The following TUT1 variants were observed in gnomAD, a reference collection of about 807,000 sequenced individuals.
TUT1 encodes speckle targeted PIP5K1A-regulated poly(A) polymerase.
TUT1 carries 26 observed loss-of-function variants against 48.8 expected under a neutral mutation model. The observed-to-expected ratio is 0.53, with a 90% CI of 0.39 to 0.74. The LOEUF (loss-of-function observed/expected upper bound fraction) is 0.74, where lower values mean the gene tolerates loss of function less well. Among genes scored for constraint, TUT1 ranks in the 30% least tolerant of loss-of-function variants. TUT1 has a pLI of 0.00. For missense variants in TUT1, 1,065 were observed against 1,114.8 expected, an observed-to-expected ratio of 0.96 and a Z score of 0.64; for synonymous variants, 470 against 460.8, an observed-to-expected ratio of 1.02 and a Z score of -0.26.
intron 2 of TUT1, 42 bp from the exon 3 acceptor site, chr11:62,581,743 GAAT>G: frequency 7.5e-7 from 1 of 1,333,912 alleles, no homozygotes; most frequent in South Asian, 2.0e-5. Flanking sequence ...TTGGAACCAA[GAAT>G]CTAAGCACGA....
intron 7 of TUT1, 52 bp from the exon 8 acceptor site, chr11:62,576,801 T>C: frequency 6.2e-7 from 1 of 1,603,110 alleles, no homozygotes; most frequent in Non-Finnish European, 8.5e-7. Context: ...AGATTGAGGG[T>C]GGGGGTAGAG....
chr11:62,575,514 C>T lies in TUT1; in HGVS notation c.2205G>A (p.Leu735=). 6.2e-7 allele frequency: 1 copy of T among 1,613,350 alleles called. No individual in the cohort carries two copies. The highest frequency in any genetic ancestry group is 8.5e-7 in the Non-Finnish European group (1 of 1,180,022). The change falls in exon 9 of 9, where the codon CTG becomes CTA. Residue 735 remains leucine, a synonymous_variant. Transcript: ENST00000476907. ...CATGTCCCTTGGGCCCCCGCTCTGCCAGGGCTGCGTGGCTGGGCTGCCCCT... is the reference window on the plus strand; with the variant it reads ...CATGTCCCTTGGGCCCCCGCTCTGCTAGGGCTGCGTGGCTGGGCTGCCCCT... The part of the protein sequence containing the change: ...GEEGQPSHAA[L]AERGPKGHEA...
chr11:62,576,328 G>A (rs1433352750), intron 8 of TUT1, 84 bp from the exon 9 acceptor site: 8 of 1,428,836 alleles, frequency 5.6e-6, no homozygotes, highest in African/African-American at 1.4e-5. Flanking sequence ...CATTTCCTTA[G>A]CAGGACTTTT....
At chr11:62,583,266 G>A (rs1210714436) in intron 2 of TUT1, among the ~76,000 whole-genome samples, 1 of 151,966 alleles carries the variant, frequency 6.6e-6, no homozygotes, top group Non-Finnish European at 1.5e-5. Flanking sequence ...GTAAGTTGGT[G>A]AGTTCAATGA....
At chr11:62,585,848 C>A (rs1222614036) in intron 2 of TUT1, among the ~76,000 whole-genome samples, 1 of 152,162 alleles carries the variant, frequency 6.6e-6, no homozygotes, top group African/African-American at 2.4e-5. Flanking sequence ...GTAATCCCAG[C>A]CTGTAATCCC....
In TUT1 at chr11:62,578,618, A is replaced by G. The variant is rs747060009; in HGVS notation, c.1103T>C (p.Val368Ala). Residue 368 changes from valine to alanine, a missense_variant, in exon 5 of 9, where the codon GTG becomes GCG. Transcript: ENST00000476907. ...TGAAGGCCGATGACAGAACTTGACCACAGGGCGCCGGGCAGAGGGCACAGT... is the reference window on the plus strand; with the variant it reads ...TGAAGGCCGATGACAGAACTTGACCGCAGGGCGCCGGGCAGAGGGCACAGT... ...VQTVPSARRP[V>A]VKFCHRPSGL... The G allele has an allele frequency of 6.2e-7, 1 of 1,613,938 alleles. No homozygotes were observed. The highest frequency in any genetic ancestry group is 8.5e-7 in the Non-Finnish European group (1 of 1,179,906).
chr11:62,586,220 T>C (rs994144972), intron 2 of TUT1, among the ~76,000 whole-genome samples: 1 of 152,232 alleles, frequency 6.6e-6, no homozygotes, highest in Non-Finnish European at 1.5e-5. Flanking sequence ...GAGGGCTTAT[T>C]ATAAACTAAG....
At chr11:62,579,529 T>A (rs1207489793) in intron 4 of TUT1, among the ~76,000 whole-genome samples, 1 of 151,846 alleles carries the variant, frequency 6.6e-6, no homozygotes. Flanking sequence ...AAATAGAGAG[T>A]GTGTGTGTGT....
At position 62,578,775 on chromosome 11, in the gene TUT1, C is replaced by T. The variant is rs758991032; in HGVS notation, c.946G>A (p.Glu316Lys). Residue 316 changes from glutamate (E) to lysine (K), a missense_variant, in exon 5 of 9, where the codon GAA becomes AAA. Physicochemically the swap from Glu to Lys is moderately conservative, Grantham distance 56. Transcript: ENST00000476907. ...GAGGCCTTCCCCAGGTCCCCCTCTT[C>T]CCTGTCCTCTAGCAGTGGTGAAGCT... is the stretch of plus-strand genomic sequence containing the variant. ...PPASPLLEDREEGDLGKASEL... is the reference protein window; with the variant it reads ...PPASPLLEDRKEGDLGKASEL... 8.1e-6 allele frequency: 13 copies of T among 1,614,058 alleles called. No individual in the cohort carries two copies. In the South Asian group the frequency reaches 1.1e-4, roughly 14 times the overall value.
chr11:62,575,634 C>T lies in TUT1; in HGVS notation c.2085G>A (p.Glu695=). ...GEDRVEEMVI[E]VGEMVQDWAM... The stretch of plus-strand genomic sequence containing the variant: ...CCCAGTCCTGCACCATCTCTCCAAC[C>T]TCTATAACCATCTCTTCTACCCTGT... The change falls in exon 9 of 9, where the codon GAG becomes GAA. Residue 695 remains glutamate (E), a synonymous_variant. Coordinates refer to ENST00000476907, the MANE Select transcript of TUT1 (RefSeq NM_022830.3). 6.2e-7 allele frequency: 1 copy of T among 1,614,224 alleles called. No individual in the cohort carries two copies. Among genetic ancestry groups the T allele is most frequent in the Non-Finnish European group, 8.5e-7 (1 of 1,180,038 alleles).
intron 2 of TUT1, among the ~76,000 whole-genome samples, chr11:62,583,917 T>C (rs535805952): frequency 6.6e-6 from 1 of 152,188 alleles, no homozygotes; most frequent in African/African-American, 2.4e-5. Flanking sequence ...GATAGCCACA[T>C]GCAAAACAAT....
At chr11:62,590,574 T>C (rs1941993634) in intron 1 of TUT1, among the ~76,000 whole-genome samples, 1 of 151,652 alleles carries the variant, frequency 6.6e-6, no homozygotes, top group South Asian at 2.1e-4. Flanking sequence ...GAGGTGGAGC[T>C]TGCAGTGAGC....
Position 62,591,441 on chromosome 11 carries a change from C to G in TUT1, c.45G>C (p.Gly15=), listed in dbSNP as rs1419277699. 1.2e-6 allele frequency: 2 copies of G among 1,605,164 alleles called. No homozygotes were observed. Among genetic ancestry groups the G allele is most frequent in the Non-Finnish European group, 1.7e-6 (2 of 1,175,834 alleles). ...TAACGTGGCAGAGGCAGCAGCGGAA[C>G]CCCCCACGCGGCAGCGATTCGACAT... ...DSDVESLPRG[G]FRCCLCHVTT... Residue 15 remains glycine (G), a synonymous_variant, in exon 1 of 9, where the codon GGG becomes GGC. Transcript: ENST00000476907.
chr11:62,576,435 C>A, intron 8 of TUT1, 191 bp from the exon 9 acceptor site: 1 of 822,612 alleles, frequency 1.2e-6, no homozygotes, highest in Non-Finnish European at 1.9e-6. Flanking sequence ...CACATGATGT[C>A]CTTGCCCAGA....
chr11:62,588,075 C>T (rs1941948812), intron 2 of TUT1, among the ~76,000 whole-genome samples: 2 of 152,200 alleles, frequency 1.3e-5, no homozygotes, highest in African/African-American at 2.4e-5. Context: ...ACTTTCTCCT[C>T]TAGACTATAG....
chr11:62,586,849 C>T (rs960618006), intron 2 of TUT1, among the ~76,000 whole-genome samples: 7 of 150,956 alleles, frequency 4.6e-5, no homozygotes, highest in Admixed American at 1.3e-4. Context: ...GGATTACAGG[C>T]GCCTGCCACC....
intron 8 of TUT1, 39 bp from the exon 9 acceptor site, chr11:62,576,283 A>G: frequency 6.7e-7 from 1 of 1,497,048 alleles, no homozygotes; most frequent in Non-Finnish European, 8.9e-7. Flanking sequence ...GGGGTCACTT[A>G]GAGGCCAGAA....
chr11:62,581,283 T>C (rs1182907658), intron 3 of TUT1, 77 bp from the exon 4 acceptor site: 2 of 1,570,046 alleles, frequency 1.3e-6, no homozygotes, highest in Non-Finnish European at 1.7e-6. Context: ...AGCACAAAGA[T>C]GGAAGAGCAA....
At chr11:62,588,994 C>G (rs1159683922) in intron 2 of TUT1, 37 bp downstream of exon 2, 2 of 1,593,710 alleles carry the variant, frequency 1.3e-6, no homozygotes, top group Non-Finnish European at 1.7e-6. Flanking sequence ...GCGCCCAGCA[C>G]TGATTCATTC....
Sources: allele counts gnomAD v4.1 joint callset (sites outside exome capture counted in the v4.1 genomes callset), GRCh38; gene constraint gnomAD v4.1.1; transcripts MANE v1.5; gene names NCBI Gene and HGNC (gene_info 2026-07-23, HGNC 2026-07-21).